The following GRM7 variants were observed in gnomAD, a reference collection of about 807,000 sequenced individuals.
GRM7 encodes the protein metabotropic glutamate receptor 7.
A neutral mutation model predicts 84.5 loss-of-function variants in GRM7; 35 were observed. That is an observed-to-expected ratio of 0.41 (90% confidence interval 0.32 to 0.55). GRM7 has a LOEUF of 0.55. Ranked by LOEUF, GRM7 falls within the 20% of genes least tolerant of loss-of-function variation. The pLI, the probability that GRM7 is intolerant of heterozygous loss-of-function variation, is 0.19. For missense variants in GRM7, 1,003 were observed against 1,194.6 expected (o/e 0.84, Z 2.36); for synonymous variants, 487 against 455.1 (o/e 1.07, Z -0.89).
intron 9 of GRM7, among the ~76,000 whole-genome samples, chr3:7,734,528 G>A (rs1201402079): frequency 6.6e-6 from 1 of 152,216 alleles, no homozygotes; most frequent in Non-Finnish European, 1.5e-5. Context: ...TGGCTGAGTA[G>A]TCAACAGAAA....
chr3:7,206,094 G>C (rs13093126), intron 2 of GRM7, among the ~76,000 whole-genome samples: 47,210 of 151,828 alleles, frequency 0.31, 7,711 homozygotes, highest in Non-Finnish European at 0.37. Flanking sequence ...GGTAAGCGGG[G>C]ATGAAAATGC....
At chr3:7,301,431 T>C (rs1307735332) in intron 3 of GRM7, among the ~76,000 whole-genome samples, 1 of 152,186 alleles carries the variant, frequency 6.6e-6, no homozygotes, top group Non-Finnish European at 1.5e-5. Flanking sequence ...ATCTTATAAG[T>C]CCTTTTAACA....
intron 8 of GRM7, among the ~76,000 whole-genome samples, chr3:7,656,809 G>C (rs1224947326): frequency 6.6e-6 from 1 of 152,018 alleles, no homozygotes; most frequent in Admixed American, 6.6e-5. Flanking sequence ...AAAATAATTG[G>C]AGTTTTCACA....
intron 1 of GRM7, among the ~76,000 whole-genome samples, chr3:6,922,288 C>T (rs151057339): frequency 6.6e-5 from 10 of 152,322 alleles, no homozygotes; most frequent in Admixed American, 2.6e-4. Flanking sequence ...ACCAGGAAGA[C>T]GCTTGAAATG....
chr3:7,463,850 C>A (rs1698353656), intron 7 of GRM7, among the ~76,000 whole-genome samples: 1 of 152,226 alleles, frequency 6.6e-6, no homozygotes, highest in East Asian at 1.9e-4. Flanking sequence ...ATTCTGAGTG[C>A]ATTTAAAAGC....
chr3:7,177,614 T>C (rs13089596), intron 2 of GRM7, among the ~76,000 whole-genome samples: 58,277 of 149,186 alleles, frequency 0.39, 12,352 homozygotes, highest in African/African-American at 0.57. Flanking sequence ...GAGAGTTAGA[T>C]GGGGTGGGAG....
chr3:7,425,122 C>A (rs574021849), intron 5 of GRM7, among the ~76,000 whole-genome samples: 1 of 152,288 alleles, frequency 6.6e-6, no homozygotes, highest in East Asian at 1.9e-4. Flanking sequence ...GCTTCTATAG[C>A]AATTTCCTCA....
intron 4 of GRM7, among the ~76,000 whole-genome samples, chr3:7,358,187 A>G (rs1228246338): frequency 1.3e-5 from 2 of 152,172 alleles, no homozygotes; most frequent in South Asian, 2.1e-4. Context: ...AAGCAAGTCT[A>G]TAAAGATCCC....
At chr3:7,402,070 T>TA (rs1559296422) in intron 4 of GRM7, among the ~76,000 whole-genome samples, 2 of 152,166 alleles carry the variant, frequency 1.3e-5, no homozygotes, top group African/African-American at 4.8e-5. Flanking sequence ...TCTAGGACTC[T>TA]AATTGACTCA....
chr3:7,407,517 A>G (rs1257196574), intron 4 of GRM7, among the ~76,000 whole-genome samples: 5 of 152,204 alleles, frequency 3.3e-5, no homozygotes, highest in African/African-American at 7.2e-5. Context: ...AGGAACCTGC[A>G]TTTACTGAAC....
intron 1 of GRM7, among the ~76,000 whole-genome samples, chr3:6,890,406 T>C (rs943508222): frequency 6.6e-6 from 1 of 152,216 alleles, no homozygotes; most frequent in African/African-American, 2.4e-5. Flanking sequence ...GCTTTGAATG[T>C]GTCCCAGAGA....
chr3:7,252,970 A>C (rs1002160771), intron 2 of GRM7, among the ~76,000 whole-genome samples: 1 of 145,798 alleles, frequency 6.9e-6, no homozygotes, highest in Non-Finnish European at 1.5e-5. Flanking sequence ...GATTACAGAC[A>C]GGAGCCACTG....
At chr3:6,871,652 G>T (rs571496167) in intron 1 of GRM7, among the ~76,000 whole-genome samples, 1 of 151,694 alleles carries the variant, frequency 6.6e-6, no homozygotes, top group South Asian at 2.1e-4. Flanking sequence ...ACCAGATATT[G>T]GTCCAAGCAT....
chr3:7,342,028 A>C (rs1273801930), intron 4 of GRM7, among the ~76,000 whole-genome samples: 1 of 152,178 alleles, frequency 6.6e-6, no homozygotes, highest in African/African-American at 2.4e-5. Flanking sequence ...CCTAAAAAAT[A>C]AATATTCACG....
At chr3:6,890,269 G>T (rs887928579) in intron 1 of GRM7, among the ~76,000 whole-genome samples, 12 of 152,060 alleles carry the variant, frequency 7.9e-5, no homozygotes, top group Admixed American at 1.3e-4. Flanking sequence ...CTTGCCTTCT[G>T]CTAGCTTTTG....
chr3:7,474,480 C>T (rs879352514), intron 7 of GRM7, among the ~76,000 whole-genome samples: 3 of 151,762 alleles, frequency 2.0e-5, no homozygotes, highest in Non-Finnish European at 2.9e-5. Context: ...GTAGTAACCC[C>T]CCACCAAAAA....
intron 1 of GRM7, among the ~76,000 whole-genome samples, chr3:7,077,727 A>G (rs1240585451): frequency 6.6e-6 from 1 of 152,126 alleles, no homozygotes; most frequent in Non-Finnish European, 1.5e-5. Flanking sequence ...ATAATAATAA[A>G]AAATAAAGAT....
At chr3:7,150,310 C>A (rs1176652676) in intron 2 of GRM7, among the ~76,000 whole-genome samples, 1 of 152,128 alleles carries the variant, frequency 6.6e-6, no homozygotes, top group Non-Finnish European at 1.5e-5. Context: ...TACTTATAAA[C>A]CAGAGCCTAA....
intron 1 of GRM7, among the ~76,000 whole-genome samples, chr3:7,141,761 A>G (rs1439878797): frequency 6.6e-6 from 1 of 152,076 alleles, no homozygotes; most frequent in Non-Finnish European, 1.5e-5. Context: ...TAGAAGATAC[A>G]CCCTGAAGAC....
Sources: allele counts gnomAD v4.1 joint callset (sites outside exome capture counted in the v4.1 genomes callset), GRCh38; gene constraint gnomAD v4.1.1; transcripts MANE v1.5; gene names NCBI Gene and HGNC (gene_info 2026-07-23, HGNC 2026-07-21).